EYS: variants seen among roughly 807,000 people sequenced by gnomAD.
EYS encodes the protein protein eyes shut homolog.
A neutral mutation model predicts 282.1 loss-of-function variants in EYS; 250 were observed. The observed-to-expected ratio is 0.89, with a 90% CI of 0.80 to 0.98. EYS has a LOEUF of 0.98. Among genes scored for constraint, EYS ranks in the 50% least tolerant of loss-of-function variants. The pLI is 0.00. For synonymous variants in EYS, 1,355 were observed against 1,282.9 expected, an observed-to-expected ratio of 1.06 and a Z score of -1.20; for missense variants, 4,016 against 3,709.0, an observed-to-expected ratio of 1.08 and a Z score of -2.15.
intron 1 of EYS, among the ~76,000 whole-genome samples, chr6:65,704,652 T>C (rs534534155): frequency 6.6e-6 from 1 of 152,320 alleles, no homozygotes; most frequent in South Asian, 2.1e-4. Context: ...ATAGATAAAA[T>C]ATAATAACTC....
chr6:64,002,208 G>T (rs1437233735), intron 33 of EYS, among the ~76,000 whole-genome samples: 1 of 152,164 alleles, frequency 6.6e-6, no homozygotes, highest in Non-Finnish European at 1.5e-5. Context: ...CAGCCCCTGG[G>T]TGGCCCAACT....
At chr6:65,466,733 C>T (rs963634961) in intron 5 of EYS, among the ~76,000 whole-genome samples, 9 of 152,222 alleles carry the variant, frequency 5.9e-5, no homozygotes, top group African/African-American at 1.2e-4. Flanking sequence ...TGAGAAGGGA[C>T]GTCTCTCTAA....
chr6:65,046,162 T>G (rs1221058945), intron 13 of EYS, among the ~76,000 whole-genome samples: 2 of 151,858 alleles, frequency 1.3e-5, no homozygotes, highest in Non-Finnish European at 2.9e-5. Context: ...ACTTTTTAAT[T>G]CTATGCAACT....
rs543554374 is a variant in EYS, at chr6:64,717,545, C to T, written c.3444-91300G>A. Among the ~76,000 whole-genome samples the T allele has an allele frequency of 2.0e-5, 3 of 152,314 alleles. No homozygotes were observed. In the South Asian group the frequency reaches 6.2e-4, roughly 32 times the overall value. ...GAGTGATAGGGAGTAGCTGTACATACAGATGAAGCTTTGCTTGCTCACTGA... is the reference window on the plus strand; with the variant it reads ...GAGTGATAGGGAGTAGCTGTACATATAGATGAAGCTTTGCTTGCTCACTGA... On this transcript the variant is annotated intron_variant, in intron 22 of 42. Transcript: ENST00000503581.
At chr6:64,857,854 T>A (rs768382337) in intron 19 of EYS, among the ~76,000 whole-genome samples, 40 of 152,290 alleles carry the variant, frequency 2.6e-4, no homozygotes, top group Non-Finnish European at 4.7e-4. Context: ...CCCTAGTTAT[T>A]AGTGATGTTG....
rs543284864 is a variant in EYS at position 63,907,040 on chromosome 6, G to C, written c.7056-42682C>G. On this transcript the variant is annotated intron_variant, in intron 35 of 42. Coordinates refer to ENST00000503581, the MANE Select transcript of EYS (RefSeq NM_001142800.2). Reference sequence around the variant, plus strand: ...TTGACAGGAAAGCCAAGATTGCATAGTGTGTACACAGCAGATCCATGCCTG... The same window carrying C: ...TTGACAGGAAAGCCAAGATTGCATACTGTGTACACAGCAGATCCATGCCTG... 4.5e-4 allele frequency among the ~76,000 whole-genome samples: 68 copies of C among 152,230 alleles called. 1 individual carries two copies. The highest frequency in any genetic ancestry group is 1.6e-3 in the African/African-American group (67 of 41,556).
chr6:64,453,284 A>T (rs140279183), intron 26 of EYS, among the ~76,000 whole-genome samples: 2,977 of 152,338 alleles, frequency 0.02, 250 homozygotes, highest in Admixed American at 0.14. Flanking sequence ...CATCAGAGAA[A>T]TGCAAATCAA....
At chr6:64,792,363 A>T (rs1339114653) in intron 22 of EYS, among the ~76,000 whole-genome samples, 3 of 151,914 alleles carry the variant, frequency 2.0e-5, no homozygotes, top group South Asian at 4.1e-4. Flanking sequence ...TTTTTTAGAC[A>T]TTTATAAATA....
At chr6:65,173,965 A>C (rs1765169564) in intron 12 of EYS, among the ~76,000 whole-genome samples, 1 of 151,364 alleles carries the variant, frequency 6.6e-6, no homozygotes, top group Non-Finnish European at 1.5e-5. Context: ...CACAACGTAT[A>C]TATAGCTTTT....
At chr6:65,187,365 G>A (rs2150237322) in intron 12 of EYS, among the ~76,000 whole-genome samples, 1 of 151,704 alleles carries the variant, frequency 6.6e-6, no homozygotes, top group East Asian at 2.0e-4. Flanking sequence ...GTTTTTTAAT[G>A]TCAAGTATTA....
Position 63,857,515 on chromosome 6 carries a change from T to C in EYS, c.7228+6671A>G, listed in dbSNP as rs574601559. 2.4e-5 allele frequency: 6 copies of C among 249,474 alleles called. No homozygotes were observed. In the East Asian group the frequency reaches 5.8e-4, roughly 24 times the overall value. 15.5% of individuals were successfully genotyped at this position (249,474 alleles called of 1,614,324 possible). ...TTACTCTTCAAAGCCATAAGTACTA[T>C]TTCTCTGACATGCACGCAATTGCTA... is the stretch of plus-strand genomic sequence containing the variant. On this transcript the variant is annotated intron_variant, in intron 36 of 42. Transcript: ENST00000503581.
At chr6:65,017,706 C>T (rs571998075) in intron 13 of EYS, among the ~76,000 whole-genome samples, 2 of 152,186 alleles carry the variant, frequency 1.3e-5, no homozygotes, top group Non-Finnish European at 2.9e-5. Context: ...CATATCTGAG[C>T]ACAGACAAAA....
At chr6:65,388,402 A>G (rs1337071274) in intron 7 of EYS, among the ~76,000 whole-genome samples, 1 of 151,994 alleles carries the variant, frequency 6.6e-6, no homozygotes, top group African/African-American at 2.4e-5. Flanking sequence ...ATTAAAACCG[A>G]TAAAAGTGGA....
intron 28 of EYS, among the ~76,000 whole-genome samples, chr6:64,432,389 C>T (rs532900020): frequency 7.9e-5 from 12 of 151,986 alleles, no homozygotes; most frequent in South Asian, 2.1e-4. Flanking sequence ...AAAAGCCTAA[C>T]TTAACTCTCT....
At chr6:65,080,319 C>T (rs186285179) in intron 12 of EYS, among the ~76,000 whole-genome samples, 1 of 152,052 alleles carries the variant, frequency 6.6e-6, no homozygotes, top group South Asian at 2.1e-4. Context: ...AAGGTAGTAA[C>T]AATAACATAA....
At position 64,590,555 on chromosome 6, in the gene EYS, T is replaced by C. The variant is rs1766371904; in HGVS notation, c.5312A>G (p.Lys1771Arg). 2 of 1,551,412 alleles carry C rather than the reference T, an allele frequency of 1.3e-6. No individual in the cohort carries two copies. Among genetic ancestry groups the C allele is most frequent in the Non-Finnish European group, 1.7e-6 (2 of 1,146,800 alleles). The change falls in exon 26 of 43, where the codon AAA (lysine) becomes AGA (arginine). Residue 1771 changes from lysine (K) to arginine (R), a missense_variant. Coordinates refer to ENST00000503581, the MANE Select transcript of EYS (RefSeq NM_001142800.2). ...GCCTGTCAATGGTGGCAGATTATTT[T>C]TGAAGTCATTTGCATGTGTAATTTC... ...YSEITHANDF[K>R]NNLPPLTGSV...
rs61332669 is a variant in EYS, at chr6:64,311,979, G to GTTT, written c.6079-4900_6079-4898dup. Among the ~76,000 whole-genome samples, 364 of 139,906 alleles carry GTTT rather than the reference G, an allele frequency of 2.6e-3. 7 individuals carry two copies. Among genetic ancestry groups the GTTT allele is most frequent in the South Asian group, 0.025 (110 of 4,440 alleles). The allele number at this position is 139,906 out of a possible 152,430, so 91.8% of individuals were successfully genotyped here. On this transcript the variant is annotated intron_variant, in intron 29 of 42. Coordinates refer to ENST00000503581, the MANE Select transcript of EYS (RefSeq NM_001142800.2). Reference sequence around the variant, plus strand: ...GAAGCCACTGAGCTAGCTGCAGAAGGTTTTTTTTTTTTTCATACCCCAGTG... The same window carrying GTTT: ...GAAGCCACTGAGCTAGCTGCAGAAGGTTTTTTTTTTTTTTTTCATACCCCAGTG...
chr6:65,411,812 C>A (rs947109232), intron 5 of EYS, among the ~76,000 whole-genome samples: 1 of 149,836 alleles, frequency 6.7e-6, no homozygotes, highest in Admixed American at 6.6e-5. Flanking sequence ...TGCACCAATA[C>A]GTCTTTTTTT....
intron 2 of EYS, among the ~76,000 whole-genome samples, chr6:65,512,184 T>A (rs578010902): frequency 2.1e-4 from 32 of 152,076 alleles, no homozygotes; most frequent in Non-Finnish European, 7.4e-5. Flanking sequence ...GCCTTACAGA[T>A]CCTCTTAGTA....
Sources: allele counts gnomAD v4.1 joint callset (sites outside exome capture counted in the v4.1 genomes callset), GRCh38; gene constraint gnomAD v4.1.1; transcripts MANE v1.5; gene names NCBI Gene and HGNC (gene_info 2026-07-23, HGNC 2026-07-21).